The following ANKRD26 variants were observed in gnomAD, a reference collection of about 807,000 sequenced individuals.
ANKRD26 encodes the protein ankyrin repeat domain-containing protein 26.
ANKRD26 carries 141 observed loss-of-function variants against 208.7 expected under a neutral mutation model. The observed-to-expected ratio is 0.68, with a 90% confidence interval of 0.59 to 0.78. ANKRD26 has a LOEUF of 0.78. ANKRD26 is among the 30% of genes least tolerant of loss of function. ANKRD26 has a pLI of 0.00. For synonymous variants in ANKRD26, 636 were observed against 660.4 expected (o/e 0.96, Z 0.57); for missense variants, 1,889 against 1,938.7 (o/e 0.97, Z 0.48).
chr10:27,088,252 A>G (rs1394886185), intron 4 of ANKRD26: 1 of 152,208 alleles, frequency 6.6e-6, no homozygotes, highest in East Asian at 1.9e-4. Context: ...CAATTTCAAT[A>G]CTGGGTGCCA....
intron 1 of ANKRD26, among the ~76,000 whole-genome samples, chr10:27,095,479 C>T (rs904172996): frequency 6.6e-6 from 1 of 152,138 alleles, no homozygotes; most frequent in African/African-American, 2.4e-5. Context: ...ATCAGCCTGA[C>T]CAACATGGTA....
Position 27,033,346 on chromosome 10 carries a change from G to A in ANKRD26, c.3686C>T (p.Ala1229Val), listed in dbSNP as rs1386447841. 1.2e-6 allele frequency: 2 copies of A among 1,610,410 alleles called. No homozygotes were observed. Among genetic ancestry groups the A allele is most frequent in the South Asian group, 1.1e-5 (1 of 90,524 alleles). ...VVVRQLQQEL[A>V]DTLKKQSMSE... The stretch of plus-strand genomic sequence containing the variant: ...CATAGATTGTTTTTTTAGGGTATCA[G>A]CTAGTTCTTGTTGAAGTTGTCTCAC... The change falls in exon 25 of 34, where the codon GCT (alanine) becomes GTT (valine). Residue 1229 changes from alanine (A) to valine (V), a missense_variant. Physicochemically the swap from Ala to Val is moderately conservative, Grantham distance 64 (BLOSUM62 0). Transcript: ENST00000376087.
chr10:26,987,316 A>C (rs201277823), downstream of ANKRD26, among the ~76,000 whole-genome samples: 1 of 152,288 alleles, frequency 6.6e-6, no homozygotes, highest in South Asian at 2.1e-4. Context: ...GCATTAGGAG[A>C]TATACCTAAT....
downstream of ANKRD26, among the ~76,000 whole-genome samples, chr10:26,972,147 A>G (rs2052157220): frequency 6.6e-6 from 1 of 151,318 alleles, no homozygotes. Flanking sequence ...AGGCAGGAGA[A>G]TGGCGTGATC....
chr10:27,015,297 G>GA (rs1433169175), intron 30 of ANKRD26, among the ~76,000 whole-genome samples: 3 of 152,164 alleles, frequency 2.0e-5, no homozygotes, highest in African/African-American at 4.8e-5. Flanking sequence ...TACATGCTGA[G>GA]AAAAAAGCCC....
the ANKRD26 span, among the ~76,000 whole-genome samples, chr10:26,951,013 C>CTTTTCTTTTTTTTTTTTTTTTTTTTTTTT: frequency 6.4e-4 from 65 of 100,906 alleles, 6 homozygotes; most frequent in East Asian, 4.3e-3. Context: ...CTTTTCTTTT[C>CTTTTCTTTTTTTTTTTTTTTTTTTTTTTT]TTTTTCTTTT....
intron 4 of ANKRD26, among the ~76,000 whole-genome samples, chr10:27,089,546 C>A (rs940371481): frequency 2.0e-5 from 3 of 152,228 alleles, no homozygotes; most frequent in African/African-American, 7.2e-5. Flanking sequence ...AATTCCAGCA[C>A]TTTGGAAAGC....
downstream of ANKRD26, among the ~76,000 whole-genome samples, chr10:26,970,954 A>G (rs1431009275): frequency 6.6e-6 from 1 of 152,158 alleles, no homozygotes; most frequent in African/African-American, 2.4e-5. Context: ...TGAAGGCAAG[A>G]GAGACTTTGT....
chr10:26,953,880 G>A, the ANKRD26 span, among the ~76,000 whole-genome samples: 1 of 152,152 alleles, frequency 6.6e-6, no homozygotes, highest in Non-Finnish European at 1.5e-5. Context: ...TTGCTGGGAC[G>A]TGCATCAAGC....
intron 4 of ANKRD26, among the ~76,000 whole-genome samples, chr10:26,981,245 C>T (rs75910414): frequency 0.025 from 3,744 of 152,178 alleles, 131 homozygotes; most frequent in African/African-American, 0.085. Flanking sequence ...ATTTATTAGA[C>T]AAAGTAGGGA....
intron 5 of ANKRD26, among the ~76,000 whole-genome samples, chr10:26,994,456 G>A (rs533697647): frequency 6.6e-6 from 1 of 152,258 alleles, no homozygotes; most frequent in South Asian, 2.1e-4. Context: ...TTATTATTAG[G>A]TTCACATCAT....
At chr10:27,062,123 T>C in intron 12 of ANKRD26, 5 of 985,370 alleles carry the variant, frequency 5.1e-6, no homozygotes, top group Non-Finnish European at 6.0e-6. Context: ...TTTGCAAAAG[T>C]AATCTCCAGA....
chr10:27,047,557 G>A (rs2054492912), intron 17 of ANKRD26, among the ~76,000 whole-genome samples: 1 of 151,778 alleles, frequency 6.6e-6, no homozygotes, highest in East Asian at 1.9e-4. Context: ...GGAGACAGAG[G>A]TTGCAGTGAG....
chr10:27,088,527 T>C (rs182357545), intron 4 of ANKRD26: 1 of 152,342 alleles, frequency 6.6e-6, no homozygotes, highest in African/African-American at 2.4e-5. Flanking sequence ...TTCTGTTGAA[T>C]GGCTTCCTTG....
chr10:27,044,039 C>T, intron 19 of ANKRD26, 118 bp downstream of exon 19: 1 of 744,582 alleles, frequency 1.3e-6, no homozygotes, highest in Non-Finnish European at 1.9e-6. Context: ...AGCAATCCTC[C>T]CGCTTTAGCC....
At chr10:26,969,270 A>G (rs1480910126), downstream of ANKRD26, among the ~76,000 whole-genome samples, 1 of 152,142 alleles carries the variant, frequency 6.6e-6, no homozygotes, top group Non-Finnish European at 1.5e-5. Context: ...CTGTGTATAG[A>G]GGTTTTACTG....
the ANKRD26 span, among the ~76,000 whole-genome samples, chr10:26,953,891 A>G: frequency 5.9e-5 from 9 of 152,344 alleles, no homozygotes; most frequent in East Asian, 1.7e-3. Flanking sequence ...TGCATCAAGC[A>G]GTACAAAATT....
At chr10:27,016,009 G>A (rs1330194937) in intron 30 of ANKRD26, among the ~76,000 whole-genome samples, 2 of 152,006 alleles carry the variant, frequency 1.3e-5, no homozygotes, top group Non-Finnish European at 2.9e-5. Flanking sequence ...TTAGAGACAG[G>A]GTCTCAGTCT....
At chr10:27,094,302 C>T (rs530836749) in intron 1 of ANKRD26, among the ~76,000 whole-genome samples, 7 of 152,218 alleles carry the variant, frequency 4.6e-5, no homozygotes, top group African/African-American at 7.2e-5. Context: ...GTTAATCCTC[C>T]GCCTTCAAAA....
Sources: allele counts gnomAD v4.1 joint callset (sites outside exome capture counted in the v4.1 genomes callset), GRCh38; gene constraint gnomAD v4.1.1; transcripts MANE v1.5; gene names NCBI Gene and HGNC (gene_info 2026-07-23, HGNC 2026-07-21).